HPSE: variants seen among roughly 807,000 people sequenced by gnomAD.
HPSE encodes the protein endo-glucoronidase.
Under a neutral mutation model 65.1 loss-of-function variants are expected in HPSE, and 48 were observed. The observed-to-expected ratio is 0.74, with a 90% confidence interval of 0.58 to 0.94. The LOEUF is 0.94. HPSE is among the 40% of genes least tolerant of loss of function. The pLI is 0.00. For synonymous variants in HPSE, 243 were observed against 260.0 expected (o/e 0.93, Z 0.63); for missense variants, 644 against 637.5 (o/e 1.01, Z -0.11).
intron 3 of HPSE, among the ~76,000 whole-genome samples, chr4:83,316,118 C>G (rs1190536901): frequency 6.6e-6 from 1 of 151,960 alleles, no homozygotes; most frequent in African/African-American, 2.4e-5. Flanking sequence ...CCTCCACCTC[C>G]CGGGTTCAAG....
intron 2 of HPSE, among the ~76,000 whole-genome samples, chr4:83,321,537 C>T (rs933647638): frequency 6.6e-6 from 1 of 152,126 alleles, no homozygotes; most frequent in Non-Finnish European, 1.5e-5. Context: ...GTCCCGAACT[C>T]CTGGGCTCAA....
chr4:83,306,092 A>G, intron 9 of HPSE, 111 bp downstream of exon 9: 1 of 621,134 alleles, frequency 1.6e-6, no homozygotes, highest in South Asian at 2.0e-5. Flanking sequence ...TCATCATCTC[A>G]TGATTTGGCT....
At chr4:83,315,502 A>C (rs901983431) in intron 3 of HPSE, among the ~76,000 whole-genome samples, 7 of 152,348 alleles carry the variant, frequency 4.6e-5, no homozygotes, top group Non-Finnish European at 7.4e-5. Flanking sequence ...CAGTACCATT[A>C]CTAGAGTCTG....
Position 83,310,062 on chromosome 4 carries a change from C to T in HPSE, c.859G>A (p.Gly287Arg). 1 of 1,610,556 alleles carries T rather than the reference C, an allele frequency of 6.2e-7. No individual in the cohort carries two copies. Among genetic ancestry groups the T allele is most frequent in the Non-Finnish European group, 8.5e-7 (1 of 1,177,562 alleles). ...KMLKSFLKAG[G>R]EVIDSVTWHH... ...CATGTAACTGAATCAATCACTTCTC[C>T]ACCAGCCTTCAGGAAGCTAGAAAAA... Residue 287 changes from glycine to arginine, a missense_variant, in exon 6 of 12, where the codon GGA (glycine) becomes AGA (arginine). Transcript: ENST00000311412.
intron 3 of HPSE, 149 bp downstream of exon 3, chr4:83,319,195 T>G: frequency 2.6e-6 from 2 of 766,062 alleles, no homozygotes; most frequent in Non-Finnish European, 4.2e-6. Flanking sequence ...AAAAAGCAAG[T>G]TTTGAGTTTA....
At chr4:83,322,094 C>T (rs964411171) in intron 2 of HPSE, 125 bp downstream of exon 2, 18 of 615,998 alleles carry the variant, frequency 2.9e-5, no homozygotes, top group Non-Finnish European at 4.3e-5. Flanking sequence ...CTCCACAGGT[C>T]AGATGAGGGG....
At chr4:83,316,827 C>A (rs1736664626) in intron 3 of HPSE, among the ~76,000 whole-genome samples, 1 of 152,144 alleles carries the variant, frequency 6.6e-6, no homozygotes, top group Admixed American at 6.5e-5. Context: ...TACAAGAGGA[C>A]CTGTGTTAGA....
chr4:83,300,121 T>G (rs1280576832), intron 11 of HPSE, among the ~76,000 whole-genome samples: 3 of 152,224 alleles, frequency 2.0e-5, no homozygotes, highest in Non-Finnish European at 4.4e-5. Context: ...CTCATAGTCA[T>G]TTTTTGGCAC....
chr4:83,310,987 T>C, intron 4 of HPSE, 97 bp from the exon 5 acceptor site: 1 of 1,026,850 alleles, frequency 9.7e-7, no homozygotes, highest in Non-Finnish European at 1.4e-6. Context: ...TTTTCCAAAT[T>C]ACAAAAACTT....
At chr4:83,325,988 C>T (rs1406660749) in intron 1 of HPSE, among the ~76,000 whole-genome samples, 4 of 152,064 alleles carry the variant, frequency 2.6e-5, no homozygotes, top group Non-Finnish European at 5.9e-5. Context: ...AATAGGGCCA[C>T]ATCACGGAGG....
intron 3 of HPSE, 120 bp downstream of exon 3, chr4:83,319,224 A>G: frequency 1.0e-6 from 1 of 988,492 alleles, no homozygotes. Flanking sequence ...CATTTGGGAA[A>G]TGCTTCAGTA....
intron 3 of HPSE, among the ~76,000 whole-genome samples, chr4:83,318,334 A>ATTTGTGGCC (rs1196187913): frequency 2.0e-5 from 3 of 152,112 alleles, no homozygotes; most frequent in Non-Finnish European, 4.4e-5. Flanking sequence ...ATAGTTAAAA[A>ATTTGTGGCC]AGGATTGTGG....
At chr4:83,332,682 C>T (rs1022261242) in intron 1 of HPSE, among the ~76,000 whole-genome samples, 5 of 152,158 alleles carry the variant, frequency 3.3e-5, no homozygotes, top group Non-Finnish European at 7.3e-5. Flanking sequence ...ATTGGAATTT[C>T]TACGTGTTAG....
chr4:83,330,150 G>A (rs1329361618), intron 1 of HPSE, among the ~76,000 whole-genome samples: 1 of 152,222 alleles, frequency 6.6e-6, no homozygotes, highest in Non-Finnish European at 1.5e-5. Context: ...GCAGTATGGA[G>A]TTCAAACTAG....
At chr4:83,296,862 A>C (rs958692635) in intron 11 of HPSE, among the ~76,000 whole-genome samples, 1 of 152,166 alleles carries the variant, frequency 6.6e-6, no homozygotes, top group Non-Finnish European at 1.5e-5. Context: ...AACCTAAGTC[A>C]TTATAACCAT....
chr4:83,332,277 C>T (rs1457092688), intron 1 of HPSE, among the ~76,000 whole-genome samples: 1 of 152,260 alleles, frequency 6.6e-6, no homozygotes, highest in Non-Finnish European at 1.5e-5. Flanking sequence ...TGTTTGGGCC[C>T]TGTGCCCCTC....
Position 83,310,882 on chromosome 4 carries a change from T to C in HPSE, c.682A>G (p.Ser228Gly), listed in dbSNP as rs1736341592. 1.2e-6 allele frequency: 2 copies of C among 1,611,938 alleles called. No individual in the cohort carries two copies. Among genetic ancestry groups the C allele is most frequent in the Non-Finnish European group, 1.7e-6 (2 of 1,178,662 alleles). Residue 228 changes from serine (S) to glycine (G), a missense_variant, in exon 5 of 12, where the codon AGT becomes GGT. Coordinates refer to ENST00000311412, the MANE Select transcript of HPSE (RefSeq NM_001098540.3). ...AAAATATCAGCCTTCTTAAGGAAACTGTTAGGTTCTGAAAGACAGCAATTC... is the reference window on the plus strand; with the variant it reads ...AAAATATCAGCCTTCTTAAGGAAACCGTTAGGTTCTGAAAGACAGCAATTC... ...ISWELGNEPN[S>G]FLKKADIFIN...
intron 1 of HPSE, among the ~76,000 whole-genome samples, chr4:83,324,666 C>T (rs1313220077): frequency 2.0e-5 from 3 of 152,144 alleles, no homozygotes; most frequent in Non-Finnish European, 2.9e-5. Context: ...ATCCTCAAAA[C>T]CACGGCTAAA....
At chr4:83,302,406 CT>C (rs779578507) in intron 9 of HPSE, 138 bp from the exon 10 acceptor site, 103,151 of 472,918 alleles carry the variant, frequency 0.22, 303 homozygotes, top group South Asian at 0.26. Flanking sequence ...TAGGATTCAT[CT>C]TTTTTTTTTT....
Sources: gnomAD v4.1 joint callset for allele counts (sites outside exome capture counted in the v4.1 genomes callset) on GRCh38, gnomAD v4.1.1 for gene constraint, MANE v1.5 for transcripts, NCBI Gene and HGNC (gene_info 2026-07-23, HGNC 2026-07-21) for gene names.